Variants in SNX4 observed in about 807,000 individuals in gnomAD.
The protein encoded by SNX4 is sorting nexin-4.
In SNX4, 49 loss-of-function variants were observed where a neutral mutation model predicts 70.8. That is an observed-to-expected ratio of 0.69 (90% confidence interval 0.55 to 0.88). The LOEUF (loss-of-function observed/expected upper bound fraction) is 0.88, where lower values mean the gene tolerates loss of function less well. SNX4 is among the 40% of genes least tolerant of loss of function. SNX4 has a pLI of 0.00. For missense variants in SNX4, 528 were observed against 544.8 expected (o/e 0.97, Z 0.31); for synonymous variants, 206 against 183.8 (o/e 1.12, Z -0.98).
At chr3:125,507,708 G>A (rs1197101753) in intron 1 of SNX4, among the ~76,000 whole-genome samples, 2 of 152,106 alleles carry the variant, frequency 1.3e-5, no homozygotes, top group Non-Finnish European at 2.9e-5. Context: ...AGAAGACAGG[G>A]AGCTGATATC....
At chr3:125,504,525 T>A (rs938780103) in intron 2 of SNX4, 98 bp downstream of exon 2, 33 of 1,160,056 alleles carry the variant, frequency 2.8e-5, no homozygotes, top group African/African-American at 9.6e-5. Flanking sequence ...AAAAAAAAAA[T>A]AACCTTTAAA....
Position 125,496,277 on chromosome 3 carries a change from G to A in SNX4, c.597+1064C>T, listed in dbSNP as rs1434206113. On this transcript the variant is annotated intron_variant, in intron 5 of 13. Transcript: ENST00000251775. ...CCACTGCACTCTGGCCTGGGTGACA[G>A]AGCAAGACTCTGTCTCAAAATCATA... Among the ~76,000 whole-genome samples, 4 of 152,162 alleles carry A rather than the reference G, an allele frequency of 2.6e-5. No individual in the cohort carries two copies. The East Asian group carries it at 7.7e-4, about 29-fold the overall frequency.
At chr3:125,503,832 T>G (rs1401854386) in intron 2 of SNX4, among the ~76,000 whole-genome samples, 2 of 152,106 alleles carry the variant, frequency 1.3e-5, no homozygotes, top group South Asian at 4.1e-4. Flanking sequence ...CCCCACAAAA[T>G]AAATTCATTA....
chr3:125,469,382 G>A (rs1934111908), intron 9 of SNX4, 72 bp downstream of exon 9: 1 of 996,114 alleles, frequency 1.0e-6, no homozygotes, highest in Non-Finnish European at 1.6e-6. Flanking sequence ...AAAAACAGAA[G>A]AATAGAAGAG....
At chr3:125,492,381 T>C (rs1934681420) in intron 5 of SNX4, among the ~76,000 whole-genome samples, 1 of 152,072 alleles carries the variant, frequency 6.6e-6, no homozygotes, top group Admixed American at 6.6e-5. Flanking sequence ...CCATGTGGCC[T>C]GGTTTGCCCA....
intron 11 of SNX4, among the ~76,000 whole-genome samples, chr3:125,456,330 A>G (rs979365406): frequency 6.6e-6 from 1 of 152,198 alleles, no homozygotes; most frequent in Non-Finnish European, 1.5e-5. Flanking sequence ...GTTAAACCTG[A>G]TAAAGGTCAC....
chr3:125,486,466 A>G (rs905278664), intron 6 of SNX4, among the ~76,000 whole-genome samples: 1 of 152,036 alleles, frequency 6.6e-6, no homozygotes, highest in Non-Finnish European at 1.5e-5. Context: ...TATTTCTACT[A>G]GGGACAGGAG....
At position 125,518,979 on chromosome 3, in the gene SNX4, T is replaced by C. The variant is rs545583468; in HGVS notation, c.141+1053A>G. ...AGTGAGCCGAGATCGTGCCACTGCATTCCAGCCTGGGTGACAAAGACTATG... is the reference window on the plus strand; with the variant it reads ...AGTGAGCCGAGATCGTGCCACTGCACTCCAGCCTGGGTGACAAAGACTATG... On this transcript the variant is annotated intron_variant, in intron 1 of 13. Transcript: ENST00000251775. 5.9e-5 allele frequency among the ~76,000 whole-genome samples: 9 copies of C among 151,924 alleles called. No individual in the cohort carries two copies. The South Asian group carries it at 1.5e-3, about 25-fold the overall frequency.
chr3:125,473,329 A>AT (rs1215240255), intron 8 of SNX4, among the ~76,000 whole-genome samples: 3 of 152,136 alleles, frequency 2.0e-5, no homozygotes, highest in Admixed American at 6.6e-5. Flanking sequence ...TCACTAGGAC[A>AT]TAACATCATA....
At chr3:125,511,738 T>C (rs1935178185) in intron 1 of SNX4, among the ~76,000 whole-genome samples, 1 of 152,134 alleles carries the variant, frequency 6.6e-6, no homozygotes, top group Non-Finnish European at 1.5e-5. Flanking sequence ...TTAACTTAAT[T>C]TAAAATATTG....
At chr3:125,508,120 G>A (rs555498974) in intron 1 of SNX4, among the ~76,000 whole-genome samples, 3 of 152,230 alleles carry the variant, frequency 2.0e-5, no homozygotes, top group African/African-American at 7.2e-5. Flanking sequence ...ATATTATGAA[G>A]ATATCAAAAC....
At chr3:125,507,737 A>G (rs1297883170) in intron 1 of SNX4, among the ~76,000 whole-genome samples, 2 of 152,158 alleles carry the variant, frequency 1.3e-5, no homozygotes, top group African/African-American at 4.8e-5. Flanking sequence ...GCTAAAAAAT[A>G]AAAATAACTG....
At chr3:125,457,144 C>T (rs773119626) in intron 11 of SNX4, 122 bp downstream of exon 11, 3 of 685,184 alleles carry the variant, frequency 4.4e-6, no homozygotes, top group Non-Finnish European at 5.2e-6. Flanking sequence ...AAGGTTCAGC[C>T]GTCCTGAGTA....
intron 10 of SNX4, among the ~76,000 whole-genome samples, chr3:125,459,311 T>C (rs1933815062): frequency 6.6e-6 from 1 of 152,226 alleles, no homozygotes; most frequent in Non-Finnish European, 1.5e-5. Context: ...ACAAATACCA[T>C]ATCCATGCAC....
At chr3:125,496,598 C>T (rs1008654480) in intron 5 of SNX4, among the ~76,000 whole-genome samples, 1 of 151,892 alleles carries the variant, frequency 6.6e-6, no homozygotes, top group Non-Finnish European at 1.5e-5. Flanking sequence ...TCAGTTTACA[C>T]CAGAGATGAA....
At chr3:125,448,013 T>C (rs1467354613) in intron 13 of SNX4, among the ~76,000 whole-genome samples, 187 bp from the exon 14 acceptor site, 1 of 152,122 alleles carries the variant, frequency 6.6e-6, no homozygotes, top group Non-Finnish European at 1.5e-5. Context: ...AAACAGAATC[T>C]CTAATACGAA....
At chr3:125,517,970 CT>C (rs917942891) in intron 1 of SNX4, among the ~76,000 whole-genome samples, 20 of 151,838 alleles carry the variant, frequency 1.3e-4, no homozygotes, top group African/African-American at 4.6e-4. Context: ...GGTCAAGAGA[CT>C]GCTCAAAAAA....
intron 1 of SNX4, among the ~76,000 whole-genome samples, chr3:125,517,639 G>A (rs1335230615): frequency 6.6e-6 from 1 of 152,190 alleles, no homozygotes; most frequent in East Asian, 1.9e-4. Flanking sequence ...TGCCCAAATG[G>A]CTTGTGCCTC....
intron 8 of SNX4, among the ~76,000 whole-genome samples, chr3:125,472,182 T>C (rs1934191997): frequency 6.6e-6 from 1 of 152,204 alleles, no homozygotes; most frequent in African/African-American, 2.4e-5. Flanking sequence ...AAGGAATATA[T>C]TGAAAAAATT....
Sources: allele counts gnomAD v4.1 joint callset (sites outside exome capture counted in the v4.1 genomes callset), GRCh38; gene constraint gnomAD v4.1.1; transcripts MANE v1.5; gene names NCBI Gene and HGNC (gene_info 2026-07-23, HGNC 2026-07-21).